TRAPPC9: variants seen among roughly 807,000 people sequenced by gnomAD.
The protein encoded by TRAPPC9 is trafficking protein particle complex subunit 9, also known as IKK2 binding protein.
In TRAPPC9, 83 loss-of-function variants were observed where a neutral mutation model predicts 124.0. The observed-to-expected ratio is 0.67, with a 90% confidence interval of 0.56 to 0.80. The LOEUF (loss-of-function observed/expected upper bound fraction) is 0.80. Ranked by LOEUF, TRAPPC9 falls within the 30% of genes least tolerant of loss-of-function variation. The pLI is 0.00. For synonymous variants in TRAPPC9, 638 were observed against 617.5 expected (o/e 1.03, Z -0.49); for missense variants, 1,302 against 1,508.3 (o/e 0.86, Z 2.27).
intron 18 of TRAPPC9, among the ~76,000 whole-genome samples, chr8:140,001,073 T>C (rs1294801466): frequency 6.6e-6 from 1 of 152,220 alleles, no homozygotes; most frequent in African/African-American, 2.4e-5. Flanking sequence ...TGAGTTTATG[T>C]CCTTTTCGGG....
intron 17 of TRAPPC9, among the ~76,000 whole-genome samples, chr8:140,194,258 C>G (rs2062578837): frequency 6.6e-6 from 1 of 151,954 alleles, no homozygotes; most frequent in African/African-American, 2.4e-5. Flanking sequence ...CCAGCCCGCA[C>G]CCCTTCACAC....
intron 4 of TRAPPC9, among the ~76,000 whole-genome samples, chr8:140,432,197 G>A (rs1564020018): frequency 6.7e-6 from 1 of 149,916 alleles, no homozygotes; most frequent in African/African-American, 2.4e-5. Flanking sequence ...CCAGGTTGCT[G>A]AAAAAAAAAG....
At chr8:140,262,526 G>C (rs1023897293) in intron 15 of TRAPPC9, 1 of 151,752 alleles carries the variant, frequency 6.6e-6, no homozygotes, top group Non-Finnish European at 1.5e-5. Context: ...ATACGGTGGG[G>C]GGGGGCAGCA....
At chr8:140,359,926 A>G in intron 9 of TRAPPC9, 124 bp downstream of exon 9, 3 of 1,393,012 alleles carry the variant, frequency 2.2e-6, no homozygotes, top group Non-Finnish European at 3.0e-6. Context: ...CTTGTCACTG[A>G]CGAAGAGCTG....
At chr8:140,174,997 G>T (rs539844460) in intron 17 of TRAPPC9, among the ~76,000 whole-genome samples, 1 of 133,074 alleles carries the variant, frequency 7.5e-6, no homozygotes, top group Non-Finnish European at 1.7e-5. Context: ...CAATGCACCT[G>T]GGGATTTTTT....
intron 9 of TRAPPC9, among the ~76,000 whole-genome samples, chr8:140,344,559 G>C (rs966770978): frequency 4.6e-5 from 7 of 152,246 alleles, no homozygotes; most frequent in Admixed American, 4.6e-4. Flanking sequence ...GCCAGGCAGA[G>C]AAGGGTGGGC....
In TRAPPC9 at chr8:140,085,208, T is replaced by C. The variant is rs543065714; in HGVS notation, c.2557-61129A>G. 1.6e-4 allele frequency among the ~76,000 whole-genome samples: 24 copies of C among 152,166 alleles called. No individual in the cohort carries two copies. The South Asian group carries it at 5.0e-3, about 32-fold the overall frequency. ...GTCTCTCCTGCTGTAGTTACAGGAG[T>C]GACGTGGACTATGTGATGAAGGCTC... On this transcript the variant is annotated intron_variant, in intron 17 of 22. Transcript: ENST00000438773.
chr8:140,221,935 A>G (rs1167400003), intron 16 of TRAPPC9, among the ~76,000 whole-genome samples: 1 of 152,178 alleles, frequency 6.6e-6, no homozygotes, highest in East Asian at 1.9e-4. Flanking sequence ...TGTCCTGACT[A>G]TTCTACCTTG....
chr8:139,793,672 G>A (rs978027845), intron 21 of TRAPPC9, among the ~76,000 whole-genome samples: 13 of 152,162 alleles, frequency 8.5e-5, no homozygotes, highest in Non-Finnish European at 1.6e-4. Context: ...GGCTGAAGTC[G>A]CTAGGGGTGG....
chr8:140,321,353 C>T (rs893187979), intron 9 of TRAPPC9, among the ~76,000 whole-genome samples: 2 of 152,170 alleles, frequency 1.3e-5, no homozygotes, highest in Non-Finnish European at 1.5e-5. Flanking sequence ...CATTCAGCTC[C>T]GCAGGACGGA....
intron 21 of TRAPPC9, among the ~76,000 whole-genome samples, chr8:139,761,716 G>A (rs895804626): frequency 7.9e-5 from 12 of 151,924 alleles, no homozygotes; most frequent in African/African-American, 2.7e-4. Context: ...CCTCAGGGAC[G>A]GCCCACTGGA....
chr8:139,901,794 C>T (rs902778112), intron 20 of TRAPPC9, among the ~76,000 whole-genome samples: 8 of 152,206 alleles, frequency 5.3e-5, no homozygotes, highest in African/African-American at 1.7e-4. Flanking sequence ...CCCGTGCCCC[C>T]GGCTCTGCCA....
At chr8:140,293,747 G>A (rs1160056663) in intron 11 of TRAPPC9, among the ~76,000 whole-genome samples, 1 of 152,080 alleles carries the variant, frequency 6.6e-6, no homozygotes, top group South Asian at 2.1e-4. Context: ...GATAGCATTA[G>A]GAGATATACC....
In TRAPPC9 at chr8:140,225,234, T is replaced by G. The variant is rs931853314; in HGVS notation, c.2432-3651A>C. The stretch of plus-strand genomic sequence containing the variant: ...GTCAGATTCACCATTATGCCCCTCA[T>G]AGTAGCTGATGCAGGCTCTAACAAA... On this transcript the variant is annotated intron_variant, in intron 16 of 22. Coordinates refer to ENST00000438773, the MANE Select transcript of TRAPPC9 (RefSeq NM_001160372.4). 2.6e-5 allele frequency among the ~76,000 whole-genome samples: 4 copies of G among 152,184 alleles called. No individual in the cohort carries two copies. In the East Asian group the frequency reaches 7.7e-4, roughly 29 times the overall value.
intron 17 of TRAPPC9, among the ~76,000 whole-genome samples, chr8:140,059,580 C>T (rs144195291): frequency 2.3e-4 from 35 of 152,318 alleles, no homozygotes; most frequent in Middle Eastern, 3.4e-3. Context: ...AGTACAGGTG[C>T]GTTCCACCTA....
chr8:140,444,985 T>C (rs2071189691), intron 2 of TRAPPC9, among the ~76,000 whole-genome samples: 1 of 151,798 alleles, frequency 6.6e-6, no homozygotes. Flanking sequence ...GCTCAGCTCA[T>C]CCACCTTCAG....
intron 15 of TRAPPC9, among the ~76,000 whole-genome samples, chr8:140,255,133 G>A (rs1238611833): frequency 6.6e-6 from 1 of 152,238 alleles, no homozygotes; most frequent in African/African-American, 2.4e-5. Flanking sequence ...ATGTCTCCAT[G>A]TTTCCTTAAA....
At chr8:139,839,737 GGTGCTGCCTCCA>G (rs766989159) in intron 21 of TRAPPC9, among the ~76,000 whole-genome samples, 39 of 152,292 alleles carry the variant, frequency 2.6e-4, no homozygotes, top group Admixed American at 1.2e-3. Context: ...AGCTCTGCTG[GGTGCTGCCTCCA>G]AGTTCAAAGA....
intron 20 of TRAPPC9, among the ~76,000 whole-genome samples, chr8:139,902,985 G>A (rs999814645): frequency 1.3e-5 from 2 of 152,104 alleles, no homozygotes; most frequent in African/African-American, 2.4e-5. Flanking sequence ...AAACACCGCC[G>A]CCACTGTGGA....
Sources: gnomAD v4.1 joint callset for allele counts (sites outside exome capture counted in the v4.1 genomes callset) on GRCh38, gnomAD v4.1.1 for gene constraint, MANE v1.5 for transcripts, NCBI Gene and HGNC (gene_info 2026-07-23, HGNC 2026-07-21) for gene names.